Variants in TMTC1 observed in about 807,000 individuals in gnomAD.
The protein encoded by TMTC1 is protein O-mannosyl-transferase TMTC1.
In TMTC1, 73 loss-of-function variants were observed where a neutral mutation model predicts 104.8. That is an observed-to-expected ratio of 0.70 (90% CI 0.58 to 0.85). TMTC1 has a LOEUF of 0.85. Among genes scored for constraint, TMTC1 ranks in the 40% least tolerant of loss-of-function variants. The pLI is 0.00. For missense variants in TMTC1, 1,035 were observed against 1,096.1 expected (o/e 0.94, Z 0.79); for synonymous variants, 434 against 428.7 (o/e 1.01, Z -0.15).
chr12:29,739,697 A>T (rs1942774298), intron 5 of TMTC1, among the ~76,000 whole-genome samples: 1 of 152,088 alleles, frequency 6.6e-6, no homozygotes, highest in Admixed American at 6.5e-5. Flanking sequence ...GTCAAATTTT[A>T]AAAAGTCAAT....
intron 6 of TMTC1, among the ~76,000 whole-genome samples, chr12:29,615,127 T>C (rs1946944444): frequency 6.6e-6 from 1 of 152,222 alleles, no homozygotes; most frequent in Non-Finnish European, 1.5e-5. Flanking sequence ...CCATTTAAAG[T>C]TGCCAGGTTC....
At chr12:29,661,232 C>T (rs1396876990) in intron 5 of TMTC1, 1 of 382,016 alleles carries the variant, frequency 2.6e-6, no homozygotes, top group Non-Finnish European at 3.6e-6. Context: ...CCCATCGAAT[C>T]CCAAATAACC....
intron 6 of TMTC1, among the ~76,000 whole-genome samples, chr12:29,607,643 A>G (rs1026731278): frequency 9.2e-5 from 14 of 152,180 alleles, no homozygotes; most frequent in African/African-American, 3.4e-4. Context: ...CAGTGACTAA[A>G]GGGTCCCTTA....
At chr12:29,614,283 A>G (rs929737525) in intron 6 of TMTC1, among the ~76,000 whole-genome samples, 12 of 152,192 alleles carry the variant, frequency 7.9e-5, no homozygotes, top group African/African-American at 2.4e-5. Context: ...CAAAATCAAA[A>G]TATCTTTTAT....
At chr12:29,519,134 G>T (rs1303780996) in intron 12 of TMTC1, 1 of 152,164 alleles carries the variant, frequency 6.6e-6, no homozygotes, top group Non-Finnish European at 1.5e-5. Flanking sequence ...ACTTTCATTT[G>T]AATGGCACTT....
intron 6 of TMTC1, among the ~76,000 whole-genome samples, chr12:29,605,964 T>C (rs776560326): frequency 3.3e-5 from 5 of 152,200 alleles, no homozygotes; most frequent in Non-Finnish European, 7.3e-5. Flanking sequence ...TATGTGGTAT[T>C]TGGTTTTCTG....
rs368175449 is a variant in TMTC1, at chr12:29,604,164, C to T, written c.1250+14G>A. 72 of 1,612,666 alleles carry T rather than the reference C, an allele frequency of 4.5e-5. 1 individual carries two copies. In the Admixed American group the frequency reaches 9.0e-4, roughly 20 times the overall value. On this transcript the variant is annotated intron_variant, in intron 7 of 17. Coordinates refer to ENST00000539277, the MANE Select transcript of TMTC1 (RefSeq NM_001193451.2). ...GGGCAGGTCTTGTAGGAGGAAGTCA[C>T]GTGCAATAGTTACCTAGGCATGTAA...
In TMTC1 at chr12:29,739,502, C is replaced by A. The variant is rs904170581; in HGVS notation, c.938+12164G>T. 3.9e-5 allele frequency among the ~76,000 whole-genome samples: 6 copies of A among 152,252 alleles called. No homozygotes were observed. The South Asian group carries it at 6.2e-4, about 16-fold the overall frequency. On this transcript the variant is annotated intron_variant, in intron 5 of 17. Coordinates refer to ENST00000539277, the MANE Select transcript of TMTC1 (RefSeq NM_001193451.2). ...GTACATACTTCAAGCATTGCACTTG[C>A]CATCCTCAGTGAAATTATCTTTTTA...
chr12:29,586,318 G>C (rs1375522744), intron 7 of TMTC1, among the ~76,000 whole-genome samples: 17 of 152,066 alleles, frequency 1.1e-4, no homozygotes, highest in Non-Finnish European at 1.9e-4. Context: ...TTGCTTATCA[G>C]CTTAAGGAGA....
chr12:29,598,087 C>G (rs866006056), intron 7 of TMTC1, among the ~76,000 whole-genome samples: 66 of 152,284 alleles, frequency 4.3e-4, no homozygotes, highest in African/African-American at 1.5e-3. Context: ...TGACCCTATT[C>G]AATGATTCTT....
intron 4 of TMTC1, among the ~76,000 whole-genome samples, chr12:29,753,044 G>T (rs1338074417): frequency 2.0e-5 from 3 of 152,138 alleles, no homozygotes; most frequent in Non-Finnish European, 4.4e-5. Context: ...CATCCATGTG[G>T]GGCCAATCTT....
intron 5 of TMTC1, among the ~76,000 whole-genome samples, chr12:29,735,934 C>A (rs751099241): frequency 6.6e-6 from 1 of 152,146 alleles, no homozygotes; most frequent in Non-Finnish European, 1.5e-5. Flanking sequence ...TGGGTTACTT[C>A]GGATTTGTAG....
chr12:29,523,878 T>C (rs1487576142), intron 11 of TMTC1, among the ~76,000 whole-genome samples: 2 of 152,148 alleles, frequency 1.3e-5, no homozygotes, highest in African/African-American at 4.8e-5. Flanking sequence ...TCTATTTTGG[T>C]TTGGTCTGGT....
chr12:29,643,717 A>ATATATTTATAATAAATATATATATTTATT lies in TMTC1; in HGVS notation c.939-10382_939-10381insAATAAATATATATATTTATTATAAATATA. Reference sequence around the variant, plus strand: ...TATATATATTATATATTATATATATAATATATAAATATATATTATAATAAA... The same window carrying ATATATTTATAATAAATATATATATTTATT: ...TATATATATTATATATTATATATATATATATTTATAATAAATATATATATTTATTATATATAAATATATATTATAATAAA... On this transcript the variant is annotated intron_variant, in intron 5 of 17. Coordinates refer to ENST00000539277, the MANE Select transcript of TMTC1 (RefSeq NM_001193451.2). 5.8e-5 allele frequency among the ~76,000 whole-genome samples: 2 copies of ATATATTTATAATAAATATATATATTTATT among 34,254 alleles called. 1 individual carries two copies. The highest frequency in any genetic ancestry group is 2.8e-4 in the African/African-American group (2 of 7,144). 22.5% of individuals were successfully genotyped at this position (34,254 alleles called of 152,430 possible).
intron 5 of TMTC1, among the ~76,000 whole-genome samples, chr12:29,697,800 A>G (rs935776757): frequency 5.9e-5 from 9 of 152,314 alleles, no homozygotes; most frequent in African/African-American, 2.2e-4. Context: ...CAGGCCTTCA[A>G]CTGATTGGAT....
At chr12:29,590,344 T>C (rs551792487) in intron 7 of TMTC1, among the ~76,000 whole-genome samples, 2 of 152,354 alleles carry the variant, frequency 1.3e-5, no homozygotes, top group South Asian at 2.1e-4. Context: ...TAAAGTATCC[T>C]AATAACACCA....
At chr12:29,586,444 T>C (rs1209488938) in intron 7 of TMTC1, among the ~76,000 whole-genome samples, 1 of 152,312 alleles carries the variant, frequency 6.6e-6, no homozygotes, top group East Asian at 1.9e-4. Context: ...TCCTGCCTGA[T>C]TGCCCTGGCC....
chr12:29,616,549 T>C (rs1341671300), intron 6 of TMTC1, among the ~76,000 whole-genome samples: 15 of 150,878 alleles, frequency 9.9e-5, no homozygotes, highest in Admixed American at 8.0e-4. Context: ...ACGCCTGTAA[T>C]CCCAGCTACT....
chr12:29,644,047 T>TATATAA (rs1363509657), intron 5 of TMTC1, among the ~76,000 whole-genome samples: 14 of 98,464 alleles, frequency 1.4e-4, no homozygotes, highest in South Asian at 3.0e-4. Flanking sequence ...ATATAATTTA[T>TATATAA]ATATAAATAT....
Sources: allele counts gnomAD v4.1 joint callset (sites outside exome capture counted in the v4.1 genomes callset), GRCh38; gene constraint gnomAD v4.1.1; transcripts MANE v1.5; gene names NCBI Gene and HGNC (gene_info 2026-07-23, HGNC 2026-07-21).